HPSE2: variants seen among roughly 807,000 people sequenced by gnomAD.
HPSE2 encodes the protein heparanase 2 (inactive), also known as inactive heparanase-2.
A neutral mutation model predicts 60.5 loss-of-function variants in HPSE2; 38 were observed. The observed-to-expected ratio is 0.63, with a 90% CI of 0.48 to 0.82. The LOEUF (loss-of-function observed/expected upper bound fraction) is 0.82, where lower values mean the gene tolerates loss of function less well. Among genes scored for constraint, HPSE2 ranks in the 40% least tolerant of loss-of-function variants. The pLI is 0.00. For missense variants in HPSE2, 713 were observed against 740.4 expected (o/e 0.96, Z 0.43); for synonymous variants, 295 against 293.2 (o/e 1.01, Z -0.06).
intron 3 of HPSE2, among the ~76,000 whole-genome samples, chr10:98,926,211 G>A (rs566814210): frequency 6.6e-6 from 1 of 152,134 alleles, no homozygotes; most frequent in South Asian, 2.1e-4. Context: ...ACAAATGCGT[G>A]CTATTGGAAA....
At chr10:98,891,558 C>T (rs1274529919) in intron 3 of HPSE2, among the ~76,000 whole-genome samples, 2 of 152,074 alleles carry the variant, frequency 1.3e-5, no homozygotes, top group Non-Finnish European at 2.9e-5. Flanking sequence ...AAGCAATCTT[C>T]CCACCTCAGC....
At chr10:98,794,502 C>T (rs1251211378) in intron 3 of HPSE2, among the ~76,000 whole-genome samples, 1 of 152,154 alleles carries the variant, frequency 6.6e-6, no homozygotes, top group Admixed American at 6.5e-5. Context: ...GCCTTGGCCT[C>T]CCGAAGTGTT....
intron 9 of HPSE2, among the ~76,000 whole-genome samples, chr10:98,519,821 T>A (rs1391151878): frequency 6.6e-6 from 1 of 152,186 alleles, no homozygotes; most frequent in Non-Finnish European, 1.5e-5. Context: ...AAAGTGAAGG[T>A]GGTCTCCACC....
upstream of HPSE2, chr10:99,235,982 GC>G (rs1849836383): frequency 1.1e-5 from 5 of 439,616 alleles, no homozygotes; most frequent in African/African-American, 4.9e-5. Context: ...TCGCTCGCTC[GC>G]TCGTTTTGTT....
chr10:98,461,393 A>G (rs35898407), intron 11 of HPSE2, among the ~76,000 whole-genome samples: 80,076 of 151,816 alleles, frequency 0.53, 21,386 homozygotes, highest in African/African-American at 0.61. Flanking sequence ...TGCCTCTGGA[A>G]GGCATGGGGT....
At chr10:98,773,747 T>C (rs1241868758) in intron 3 of HPSE2, among the ~76,000 whole-genome samples, 1 of 152,092 alleles carries the variant, frequency 6.6e-6, no homozygotes, top group Non-Finnish European at 1.5e-5. Flanking sequence ...ACGATGAAAT[T>C]CAATCAATAA....
the HPSE2 span, among the ~76,000 whole-genome samples, chr10:99,298,381 G>A: frequency 6.6e-6 from 1 of 152,212 alleles, no homozygotes; most frequent in Non-Finnish European, 1.5e-5. Context: ...ACTAAACTTA[G>A]GCTAACTGAA....
intron 3 of HPSE2, among the ~76,000 whole-genome samples, chr10:98,914,145 A>G (rs1954053879): frequency 6.6e-6 from 1 of 152,202 alleles, no homozygotes; most frequent in Non-Finnish European, 1.5e-5. Context: ...TTATGGGGAC[A>G]GGTCTTTCCT....
intron 9 of HPSE2, among the ~76,000 whole-genome samples, chr10:98,514,260 T>C (rs1942516457): frequency 6.6e-6 from 1 of 151,948 alleles, no homozygotes; most frequent in East Asian, 1.9e-4. Context: ...TTACCAAAGG[T>C]GGAAGGGGGA....
intron 9 of HPSE2, among the ~76,000 whole-genome samples, chr10:98,590,882 A>G (rs1945072048): frequency 6.6e-6 from 1 of 152,224 alleles, no homozygotes. Context: ...TTTAAAAAAT[A>G]AATAAATGAG....
chr10:99,004,003 C>T (rs1187172160), intron 3 of HPSE2, among the ~76,000 whole-genome samples: 1 of 152,016 alleles, frequency 6.6e-6, no homozygotes, highest in Non-Finnish European at 1.5e-5. Context: ...CATTCTAGTG[C>T]ATGTGGAAAT....
intron 11 of HPSE2, among the ~76,000 whole-genome samples, chr10:98,478,563 T>A (rs1941113130): frequency 6.6e-6 from 1 of 152,208 alleles, no homozygotes. Context: ...CTGACCTCGG[T>A]CAGACCAGGC....
intron 3 of HPSE2, among the ~76,000 whole-genome samples, chr10:99,131,106 G>A (rs937556514): frequency 1.3e-5 from 2 of 152,154 alleles, no homozygotes; most frequent in Admixed American, 6.5e-5. Context: ...CATCTCAATA[G>A]ATACAGAAAA....
chr10:99,178,633 C>T (rs944685016), intron 2 of HPSE2, among the ~76,000 whole-genome samples: 2 of 152,028 alleles, frequency 1.3e-5, no homozygotes, highest in African/African-American at 4.8e-5. Context: ...AGTTACTAGC[C>T]TACCAACCAA....
At chr10:99,154,816 TAAAGA>T (rs1846461353) in intron 2 of HPSE2, among the ~76,000 whole-genome samples, 3 of 151,772 alleles carry the variant, frequency 2.0e-5, no homozygotes, top group Admixed American at 2.0e-4. Flanking sequence ...GCAAATTGGA[TAAAGA>T]GTCAAGACCC....
At chr10:99,237,274 C>T (rs1849882640), upstream of HPSE2, among the ~76,000 whole-genome samples, 1 of 152,134 alleles carries the variant, frequency 6.6e-6, no homozygotes, top group Non-Finnish European at 1.5e-5. Context: ...AACGCAGAAG[C>T]GTCCAGGGCC....
chr10:99,309,876 A>ATTTTGT, the HPSE2 span, among the ~76,000 whole-genome samples: 1 of 152,236 alleles, frequency 6.6e-6, no homozygotes, highest in Non-Finnish European at 1.5e-5. Flanking sequence ...TTTGTGTATT[A>ATTTTGT]GTTTCCTGTG....
intron 3 of HPSE2, among the ~76,000 whole-genome samples, chr10:98,984,604 C>G (rs10883239): frequency 6.6e-6 from 1 of 152,004 alleles, no homozygotes; most frequent in Non-Finnish European, 1.5e-5. Context: ...TACAAAGGAA[C>G]GCAGGTCCTC....
At chr10:99,075,461 G>A (rs775255239) in intron 3 of HPSE2, among the ~76,000 whole-genome samples, 15 of 152,108 alleles carry the variant, frequency 9.9e-5, no homozygotes, top group Non-Finnish European at 2.1e-4. Context: ...TATCTAGCCT[G>A]GAGAATGTTT....
Sources: gnomAD v4.1 joint callset for allele counts (sites outside exome capture counted in the v4.1 genomes callset) on GRCh38, gnomAD v4.1.1 for gene constraint, MANE v1.5 for transcripts, NCBI Gene and HGNC (gene_info 2026-07-23, HGNC 2026-07-21) for gene names.